Variants in SLC39A10 observed in about 807,000 individuals in gnomAD.
SLC39A10 encodes zinc transporter ZIP10.
A neutral mutation model predicts 65.1 loss-of-function variants in SLC39A10; 13 were observed. That is an observed-to-expected ratio of 0.20 (90% confidence interval 0.13 to 0.32). SLC39A10 has a LOEUF of 0.32. Ranked by LOEUF, SLC39A10 falls within the 10% of genes least tolerant of loss-of-function variation. The pLI, the probability that SLC39A10 is intolerant of heterozygous loss-of-function variation, is 1.00. For synonymous variants in SLC39A10, 321 were observed against 342.2 expected, an observed-to-expected ratio of 0.94 and a Z score of 0.68; for missense variants, 831 against 1,018.4, an observed-to-expected ratio of 0.82 and a Z score of 2.50.
intron 2 of SLC39A10, among the ~76,000 whole-genome samples, chr2:195,615,082 G>A (rs866299156): frequency 6.6e-5 from 10 of 152,106 alleles, no homozygotes; most frequent in African/African-American, 2.2e-4. Context: ...GGAAAATAGA[G>A]GGGGTCTGGT....
chr2:195,631,820 T>G (rs1688591518), intron 2 of SLC39A10, among the ~76,000 whole-genome samples: 1 of 152,236 alleles, frequency 6.6e-6, no homozygotes, highest in Non-Finnish European at 1.5e-5. Flanking sequence ...CATCTTACCA[T>G]GACTGTAACT....
At chr2:195,727,308 C>T (rs1417291579) in intron 8 of SLC39A10, among the ~76,000 whole-genome samples, 1 of 152,166 alleles carries the variant, frequency 6.6e-6, no homozygotes, top group Non-Finnish European at 1.5e-5. Flanking sequence ...GATGATTTCA[C>T]AGTCACCAGT....
upstream of SLC39A10, among the ~76,000 whole-genome samples, chr2:195,652,276 G>T (rs1689049454): frequency 6.6e-6 from 1 of 152,106 alleles, no homozygotes. Flanking sequence ...GCCTAGGCGT[G>T]GTGGCTAACA....
chr2:195,666,533 A>G (rs780477213), intron 1 of SLC39A10, among the ~76,000 whole-genome samples: 7 of 152,210 alleles, frequency 4.6e-5, no homozygotes, highest in Non-Finnish European at 1.0e-4. Flanking sequence ...ATCACAGCTC[A>G]CTGCAGCCTT....
At chr2:195,671,473 G>GA (rs781064374) in intron 1 of SLC39A10, among the ~76,000 whole-genome samples, 2 of 152,080 alleles carry the variant, frequency 1.3e-5, no homozygotes, top group African/African-American at 2.4e-5. Flanking sequence ...CAGCTGAACT[G>GA]AAAAAATATT....
chr2:195,653,294 ATT>A (rs71015715), upstream of SLC39A10, among the ~76,000 whole-genome samples: 922 of 129,052 alleles, frequency 7.1e-3, 5 homozygotes, highest in Non-Finnish European at 8.4e-3. Flanking sequence ...CTGTGCCTGA[ATT>A]TTTTTTTTTT....
At chr2:195,667,156 T>C (rs914378401) in intron 1 of SLC39A10, among the ~76,000 whole-genome samples, 8 of 152,246 alleles carry the variant, frequency 5.3e-5, no homozygotes, top group Non-Finnish European at 1.0e-4. Flanking sequence ...AGCATGCACT[T>C]AACTTTTTAC....
chr2:195,645,011 G>C (rs1688884590), intron 2 of SLC39A10, among the ~76,000 whole-genome samples: 5 of 151,812 alleles, frequency 3.3e-5, no homozygotes, highest in Admixed American at 3.3e-4. Flanking sequence ...CCAGGTTCAA[G>C]CGATTCTCCT....
Position 195,692,461 on chromosome 2 carries a change from T to G in SLC39A10, c.1216+8555T>G, listed in dbSNP as rs112264568. Among the ~76,000 whole-genome samples, 1,232 of 152,346 alleles carry G rather than the reference T, an allele frequency of 8.1e-3. 10 individuals are homozygous for G. Among genetic ancestry groups the G allele is most frequent in the Middle Eastern group, 0.027 (8 of 294 alleles). On this transcript the variant is annotated intron_variant, in intron 3 of 9. Transcript: ENST00000359634. ...AGTGTGGTCAATTTCACAGTATCGA[T>G]TCTACCTATCCATGAGCATGGGACG...
At chr2:195,630,686 A>G (rs1688568013) in intron 2 of SLC39A10, among the ~76,000 whole-genome samples, 1 of 152,264 alleles carries the variant, frequency 6.6e-6, no homozygotes, top group Admixed American at 6.5e-5. Flanking sequence ...GACGAAAACC[A>G]TTATGTATCA....
At chr2:195,702,746 C>T (rs994792641) in intron 3 of SLC39A10, among the ~76,000 whole-genome samples, 13 of 152,198 alleles carry the variant, frequency 8.5e-5, no homozygotes, top group Non-Finnish European at 1.9e-4. Context: ...CTTCTCTTGT[C>T]TACAGCTGAT....
chr2:195,708,994 T>C, intron 5 of SLC39A10, 150 bp downstream of exon 5: 1 of 611,160 alleles, frequency 1.6e-6, no homozygotes, highest in Non-Finnish European at 2.6e-6. Context: ...AAGCTGACTT[T>C]GGTTTTTTAA....
intron 3 of SLC39A10, among the ~76,000 whole-genome samples, chr2:195,697,203 T>C (rs1690999368): frequency 6.6e-6 from 1 of 152,146 alleles, no homozygotes; most frequent in Admixed American, 6.6e-5. Flanking sequence ...AATAATGATT[T>C]AAAATATAAG....
At chr2:195,709,704 T>A (rs937885558) in intron 5 of SLC39A10, among the ~76,000 whole-genome samples, 2 of 152,210 alleles carry the variant, frequency 1.3e-5, no homozygotes, top group Admixed American at 6.5e-5. Context: ...TTTTTGTTAC[T>A]ACATTTATTT....
At chr2:195,636,515 G>C (rs1027243208) in intron 2 of SLC39A10, among the ~76,000 whole-genome samples, 2 of 152,172 alleles carry the variant, frequency 1.3e-5, no homozygotes, top group African/African-American at 2.4e-5. Context: ...ACTTTGGGAG[G>C]CTGAGGCGGG....
chr2:195,719,750 C>T (rs1035845427), intron 8 of SLC39A10, among the ~76,000 whole-genome samples: 3 of 151,046 alleles, frequency 2.0e-5, no homozygotes, highest in Admixed American at 6.6e-5. Flanking sequence ...TCCCAAGTAG[C>T]TGGGACTACA....
At chr2:195,730,364 C>G (rs1030933484) in intron 9 of SLC39A10, among the ~76,000 whole-genome samples, 1 of 151,802 alleles carries the variant, frequency 6.6e-6, no homozygotes, top group Non-Finnish European at 1.5e-5. Flanking sequence ...CAGTCTTGCT[C>G]TGTTGCCCAG....
intron 2 of SLC39A10, among the ~76,000 whole-genome samples, chr2:195,648,257 G>A (rs1236757137): frequency 2.6e-5 from 4 of 151,570 alleles, no homozygotes; most frequent in African/African-American, 7.3e-5. Context: ...CTTGGCCTCC[G>A]CCTATGCTGG....
At chr2:195,685,352 G>A (rs1191048552) in intron 3 of SLC39A10, among the ~76,000 whole-genome samples, 1 of 151,698 alleles carries the variant, frequency 6.6e-6, no homozygotes, top group Non-Finnish European at 1.5e-5. Flanking sequence ...TATATCTCTG[G>A]AACATGGATT....
Sources: allele counts gnomAD v4.1 joint callset (sites outside exome capture counted in the v4.1 genomes callset), GRCh38; gene constraint gnomAD v4.1.1; transcripts MANE v1.5; gene names NCBI Gene and HGNC (gene_info 2026-07-23, HGNC 2026-07-21).